ENGASE: variants seen among roughly 807,000 people sequenced by gnomAD.
ENGASE encodes the protein cytosolic endo-beta-N-acetylglucosaminidase.
In ENGASE, 69 loss-of-function variants were observed where a neutral mutation model predicts 78.5. The ratio of observed to expected loss-of-function variants is 0.88; its 90% CI spans 0.72 to 1.07. ENGASE has a LOEUF of 1.07. ENGASE is among the 50% of genes least tolerant of loss of function. The pLI, the probability that ENGASE is intolerant of heterozygous loss-of-function variation, is 0.00. For synonymous variants in ENGASE, 408 were observed against 408.9 expected, an observed-to-expected ratio of 1.00 and a Z score of 0.03; for missense variants, 943 against 988.4, an observed-to-expected ratio of 0.95 and a Z score of 0.62.
At chr17:79,084,807 C>A in intron 11 of ENGASE, 121 bp downstream of exon 11, 1 of 1,130,186 alleles carries the variant, frequency 8.8e-7, no homozygotes. Flanking sequence ...GTACATCCTG[C>A]CTTTGCCGGA....
intron 12 of ENGASE, 31 bp downstream of exon 12, chr17:79,085,373 C>A: frequency 1.3e-6 from 2 of 1,539,786 alleles, no homozygotes; most frequent in South Asian, 1.2e-5. Flanking sequence ...ACGTCCTTCT[C>A]CCTCACTCAA....
At chr17:79,076,357 G>A (rs1412710532) in intron 1 of ENGASE, among the ~76,000 whole-genome samples, 1 of 152,176 alleles carries the variant, frequency 6.6e-6, no homozygotes, top group Non-Finnish European at 1.5e-5. Flanking sequence ...CTGAGTTCGG[G>A]AGTTTGAGAC....
intron 7 of ENGASE, 137 bp from the exon 8 acceptor site, chr17:79,082,871 CCTCCAGGTGCAT>C (rs1309235800): frequency 6.4e-7 from 1 of 1,570,822 alleles, no homozygotes; most frequent in Non-Finnish European, 8.6e-7. Context: ...TGCCCAGCAG[CCTCCAGGTGCAT>C]CTAGGAGGGA....
Position 79,075,318 on chromosome 17 carries a change from G to T in ENGASE, c.146+228G>T, listed in dbSNP as rs528002939. On this transcript the variant is annotated intron_variant, in intron 1 of 13. Transcript: ENST00000579016. ...CCTCCGGCCCCCGTGCGTGACCCCTGCCTATCTCAGAAATACGGGTGCAAA... is the reference window on the plus strand; with the variant it reads ...CCTCCGGCCCCCGTGCGTGACCCCTTCCTATCTCAGAAATACGGGTGCAAA... Among the ~76,000 whole-genome samples the T allele has an allele frequency of 6.5e-4, 99 of 152,318 alleles. 1 individual carries two copies. The South Asian group carries it at 0.013, about 20-fold the overall frequency.
At position 79,083,198 on chromosome 17, in the gene ENGASE, G is replaced by C; in HGVS notation, c.1142+75G>C. Reference sequence around the variant, plus strand: ...GTTTCTGGTGTCTCTGATAGGACACGTTTGTGCTCTTTAGTGACCCTTCCT... The same window carrying C: ...GTTTCTGGTGTCTCTGATAGGACACCTTTGTGCTCTTTAGTGACCCTTCCT... On this transcript the variant is annotated intron_variant, in intron 8 of 13. Transcript: ENST00000579016. This position sits in a 1 kb window ranked among gnomAD's most constrained non-coding sequence, Gnocchi z 4.9. 1 of 1,136,380 alleles carries C rather than the reference G, an allele frequency of 8.8e-7. No homozygotes were observed. The highest frequency in any genetic ancestry group is 1.3e-5 in the South Asian group (1 of 75,264). The allele number at this position is 1,136,380 out of a possible 1,614,324, so 70.4% of individuals were successfully genotyped here. A position where few individuals can be genotyped will look rare whatever the true frequency, so the allele number is the denominator to read the frequency against.
chr17:79,080,402 C>G (rs773755009), intron 5 of ENGASE, 38 bp downstream of exon 5: 1 of 1,601,330 alleles, frequency 6.2e-7, no homozygotes, highest in South Asian at 1.1e-5. Flanking sequence ...CCGCCCCTTG[C>G]TGTGTTGCCG....
In ENGASE at chr17:79,085,932, G is replaced by C; in HGVS notation, c.1816-1G>C. ...CCGTGCTGAGCCTTCTCTCCTGCCAGGTGGTGGACGCTGCCAGCCTGCTGG... is the reference window on the plus strand; with the variant it reads ...CCGTGCTGAGCCTTCTCTCCTGCCACGTGGTGGACGCTGCCAGCCTGCTGG... On this transcript the variant is annotated splice_acceptor_variant, in intron 13 of 13. Coordinates refer to ENST00000579016, the MANE Select transcript of ENGASE (RefSeq NM_001042573.3). LOFTEE classifies it high-confidence loss of function. 1 of 1,593,530 alleles carries C rather than the reference G, an allele frequency of 6.3e-7. No individual in the cohort carries two copies.
rs200514259 is a variant in ENGASE, at chr17:79,086,169, C to T, written c.2052C>T (p.Pro684=). The T allele has an allele frequency of 1.1e-3, 1,842 of 1,613,798 alleles. 4 individuals are homozygous for T. Among genetic ancestry groups the T allele is most frequent in the Middle Eastern group, 2.5e-3 (15 of 6,062 alleles). ...PGRELPRPEM[P]MFLGLAFATQ... Reference sequence around the variant, plus strand: ...GGGAGCTGCCGAGGCCAGAGATGCCCATGTTCCTGGGGTTGGCTTTTGCCA... The same window carrying T: ...GGGAGCTGCCGAGGCCAGAGATGCCTATGTTCCTGGGGTTGGCTTTTGCCA... The change falls in exon 14 of 14, where the codon CCC becomes CCT. Residue 684 remains proline (P), a synonymous_variant. Transcript: ENST00000579016.
At chr17:79,075,755 C>G in intron 1 of ENGASE, 3 of 985,448 alleles carry the variant, frequency 3.0e-6, no homozygotes, top group South Asian at 9.4e-5. Flanking sequence ...TTTCTAAACC[C>G]AAAGCAGTGA....
chr17:79,078,517 G>A (rs58999272), intron 3 of ENGASE, among the ~76,000 whole-genome samples: 19 of 152,202 alleles, frequency 1.2e-4, no homozygotes, highest in African/African-American at 4.1e-4. Flanking sequence ...ACCCCCTCAC[G>A]TGGTTTGGTG....
rs1204043584 is a variant in ENGASE, at chr17:79,086,319, G to A, written c.2202G>A (p.Arg734=). Residue 734 remains arginine (R), a synonymous_variant, in exon 14 of 14, where the codon AGG becomes AGA. Transcript: ENST00000579016. ...GGGTACCTCAGGCCGAGTGGGGCAG[G>A]GCAGTTCTGCTTTATTCAGCCCCTG... is the stretch of plus-strand genomic sequence containing the variant. ...GFRVPQAEWG[R]AVLLYSAPA is the part of the protein sequence containing the mutation. 1.2e-6 allele frequency: 2 copies of A among 1,613,326 alleles called. No homozygotes were observed. Among genetic ancestry groups the A allele is most frequent in the Non-Finnish European group, 1.7e-6 (2 of 1,180,002 alleles).
intron 7 of ENGASE, chr17:79,082,744 A>G (rs1453998975): frequency 1.4e-6 from 2 of 1,429,818 alleles, no homozygotes; most frequent in East Asian, 3.3e-5. Context: ...CCAGAGGACA[A>G]TGGGACCGCG....
Position 79,087,371 on chromosome 17 carries a change from T to TG in ENGASE, c.*1027dup, listed in dbSNP as rs374651080. 287 of 263,862 alleles carry TG rather than the reference T, an allele frequency of 1.1e-3. 2 individuals are homozygous for TG. Among genetic ancestry groups the TG allele is most frequent in the African/African-American group, 5.8e-3 (264 of 45,482 alleles). The allele number at this position is 263,862 out of a possible 1,614,324, so 16.3% of individuals were successfully genotyped here. On this transcript the variant is annotated 3_prime_UTR_variant, in exon 14 of 14. Coordinates refer to ENST00000579016, the MANE Select transcript of ENGASE (RefSeq NM_001042573.3). The stretch of plus-strand genomic sequence containing the variant: ...TTGAGCAGCAGTCAGCACAGGTGCG[T>TG]GGGGGCGTGAGGGAGGCAGGGTCTT...
chr17:79,083,540 G>A lies in ENGASE; in HGVS notation c.1201G>A (p.Val401Ile), dbSNP rs370257622. The change falls in exon 9 of 14, where the codon GTC (valine) becomes ATC (isoleucine). Residue 401 changes from valine to isoleucine, a missense_variant. Transcript: ENST00000579016. This position sits in a 1 kb window ranked among gnomAD's most constrained non-coding sequence, Gnocchi z 4.9. ...ACATAGCATCTGCTCCTTGCCTTTC[G>A]TCACGTCCTTCTGCCTGGGCATGGG... ...PTHSICSLPF[V>I]TSFCLGMGAR... 2.3e-4 allele frequency: 370 copies of A among 1,614,028 alleles called. No homozygotes were observed. Among genetic ancestry groups the A allele is most frequent in the Non-Finnish European group, 3.0e-4 (351 of 1,180,020 alleles).
In ENGASE at chr17:79,078,009, G is replaced by T. The variant is rs537358918; in HGVS notation, c.416+145G>T. On this transcript the variant is annotated intron_variant, in intron 3 of 13. Transcript: ENST00000579016. ...GGGCATTGGAGGGATGGCACTAACTGCGAGAAGAAGGCAGGCCCCAGTGTT... is the reference window on the plus strand; with the variant it reads ...GGGCATTGGAGGGATGGCACTAACTTCGAGAAGAAGGCAGGCCCCAGTGTT... 153 of 800,420 alleles carry T rather than the reference G, an allele frequency of 1.9e-4. 1 individual carries two copies. In the South Asian group the frequency reaches 2.6e-3, roughly 14 times the overall value. 49.6% of individuals were successfully genotyped at this position (800,420 alleles called of 1,614,324 possible).
At position 79,086,786 on chromosome 17, in the gene ENGASE, G is replaced by A. The variant is rs1203095955; in HGVS notation, c.*437G>A. On this transcript the variant is annotated 3_prime_UTR_variant, in exon 14 of 14. Coordinates refer to ENST00000579016, the MANE Select transcript of ENGASE (RefSeq NM_001042573.3). ...TTGTGGCAGGTAGGCTTTGGAGCAGGCGCCGAGACATTTCTGAGCATGAGG... is the reference window on the plus strand; with the variant it reads ...TTGTGGCAGGTAGGCTTTGGAGCAGACGCCGAGACATTTCTGAGCATGAGG... The A allele has an allele frequency of 1.1e-5, 4 of 368,812 alleles. No homozygotes were observed. The highest frequency in any genetic ancestry group is 4.2e-5 in the African/African-American group (2 of 47,152). The allele number at this position is 368,812 out of a possible 1,614,324, so 22.8% of individuals were successfully genotyped here. A position where few individuals can be genotyped will look rare whatever the true frequency, so the allele number is the denominator to read the frequency against.
Position 79,083,477 on chromosome 17 carries a change from G to A in ENGASE, c.1143-5G>A. Reference sequence around the variant, plus strand: ...ACCGAGCTGTTGCCCCCATGTCTCTGGCAGGTTCTGGGGCCGACTGGAGCG... The same window carrying A: ...ACCGAGCTGTTGCCCCCATGTCTCTAGCAGGTTCTGGGGCCGACTGGAGCG... On this transcript the variant is annotated splice_polypyrimidine_tract_variant and splice_region_variant and intron_variant, in intron 8 of 13. Transcript: ENST00000579016. This position sits in a 1 kb window ranked among gnomAD's most constrained non-coding sequence, Gnocchi z 4.9. 6.2e-7 allele frequency: 1 copy of A among 1,611,564 alleles called. No individual in the cohort carries two copies. The highest frequency in any genetic ancestry group is 8.5e-7 in the Non-Finnish European group (1 of 1,177,844).
chr17:79,085,497 G>A (rs932675671), intron 12 of ENGASE, 123 bp from the exon 13 acceptor site: 7 of 1,430,736 alleles, frequency 4.9e-6, no homozygotes, highest in African/African-American at 2.8e-5. Flanking sequence ...CCCTGCTGTC[G>A]GCCTGGGGTC....
At position 79,077,786 on chromosome 17, in the gene ENGASE, G is replaced by C. The variant is rs779858816; in HGVS notation, c.338G>C (p.Cys113Ser). The stretch of plus-strand genomic sequence containing the variant: ...AATGTGGCCCTGGAGCCCCTGGCGT[G>C]TCGCCAGCCCCCTCTGAGCAGCCAG... ...GFNVALEPLA[C>S]RQPPLSSQRP... Residue 113 changes from cysteine to serine, a missense_variant, in exon 3 of 14, where the codon TGT becomes TCT. Physicochemically the swap from Cys to Ser is moderately radical, Grantham distance 112 (BLOSUM62 -1). Transcript: ENST00000579016. 69 of 1,614,000 alleles carry C rather than the reference G, an allele frequency of 4.3e-5. No homozygotes were observed. In the Admixed American group the frequency reaches 1.1e-3, roughly 26 times the overall value.
Sources: allele counts gnomAD v4.1 joint callset (sites outside exome capture counted in the v4.1 genomes callset), GRCh38; gene constraint gnomAD v4.1.1; non-coding constraint Gnocchi (gnomAD v3.1); transcripts MANE v1.5; gene names NCBI Gene and HGNC (gene_info 2026-07-23, HGNC 2026-07-21).